Variants in CDH13 observed in about 807,000 individuals in gnomAD.
CDH13 encodes the protein cadherin-13.
A neutral mutation model predicts 63.8 loss-of-function variants in CDH13; 24 were observed. That is an observed-to-expected ratio of 0.38 (90% confidence interval 0.27 to 0.53). CDH13 has a LOEUF of 0.53. Ranked by LOEUF, CDH13 falls within the 20% of genes least tolerant of loss-of-function variation. CDH13 has a pLI of 0.85. For synonymous variants in CDH13, 503 were observed against 355.3 expected, an observed-to-expected ratio of 1.42 and a Z score of -4.67; for missense variants, 1,049 against 903.1, an observed-to-expected ratio of 1.16 and a Z score of -2.07.
At chr16:83,561,459 G>A (rs1471675031) in intron 7 of CDH13, among the ~76,000 whole-genome samples, 2 of 151,202 alleles carry the variant, frequency 1.3e-5, no homozygotes, top group Non-Finnish European at 2.9e-5. Context: ...TCAAGCAAGG[G>A]AGGCTATGCT....
chr16:83,206,181 C>G (rs1203542688), intron 4 of CDH13, among the ~76,000 whole-genome samples: 2 of 152,286 alleles, frequency 1.3e-5, no homozygotes, highest in South Asian at 2.1e-4. Context: ...CTCTCTCTGT[C>G]TGCTTCTTAA....
At chr16:83,775,012 C>T (rs1193802526) in intron 11 of CDH13, among the ~76,000 whole-genome samples, 1 of 151,840 alleles carries the variant, frequency 6.6e-6, no homozygotes, top group Non-Finnish European at 1.5e-5. Flanking sequence ...ATAATAATAA[C>T]CTGGAATTAT....
intron 8 of CDH13, among the ~76,000 whole-genome samples, chr16:83,634,213 A>T (rs1294834656): frequency 4.6e-5 from 7 of 151,570 alleles, no homozygotes; most frequent in Non-Finnish European, 8.8e-5. Flanking sequence ...CACCACCATC[A>T]TGATACAGGA....
chr16:83,263,731 C>G (rs931351916), intron 5 of CDH13, among the ~76,000 whole-genome samples: 10 of 152,202 alleles, frequency 6.6e-5, no homozygotes, highest in African/African-American at 2.4e-4. Context: ...ATGAACGGTG[C>G]AGGCAGGGAG....
At chr16:83,347,132 G>A (rs867698143) in intron 6 of CDH13, among the ~76,000 whole-genome samples, 8 of 152,174 alleles carry the variant, frequency 5.3e-5, no homozygotes, top group Non-Finnish European at 7.3e-5. Context: ...GATGGCCCCC[G>A]AAGCATTCAT....
intron 5 of CDH13, among the ~76,000 whole-genome samples, chr16:83,294,761 G>A (rs1411788093): frequency 1.3e-5 from 2 of 152,036 alleles, no homozygotes; most frequent in African/African-American, 4.8e-5. Flanking sequence ...GACATCCCAT[G>A]TTCGTGGATT....
chr16:83,399,501 C>T (rs1434556596), intron 6 of CDH13, among the ~76,000 whole-genome samples: 1 of 152,186 alleles, frequency 6.6e-6, no homozygotes, highest in Non-Finnish European at 1.5e-5. Flanking sequence ...ATGTCTCTCT[C>T]CCATCCCACA....
At chr16:83,750,973 AT>A (rs1323390891) in intron 11 of CDH13, among the ~76,000 whole-genome samples, 8 of 24,036 alleles carry the variant, frequency 3.3e-4, no homozygotes, top group Non-Finnish European at 3.9e-4. Context: ...TAACTTAACT[AT>A]TTAAAAAAAA....
At chr16:83,325,698 C>T (rs1337940320) in intron 5 of CDH13, among the ~76,000 whole-genome samples, 1 of 152,172 alleles carries the variant, frequency 6.6e-6, no homozygotes, top group Non-Finnish European at 1.5e-5. Flanking sequence ...TCTCTGTTTT[C>T]TCTCCCCAGA....
intron 2 of CDH13, among the ~76,000 whole-genome samples, chr16:83,012,799 G>A (rs1914295695): frequency 1.3e-5 from 2 of 152,120 alleles, no homozygotes; most frequent in South Asian, 4.1e-4. Context: ...TATATTTAAA[G>A]ACTACAGATA....
At chr16:83,081,573 C>A (rs2151563726) in intron 3 of CDH13, among the ~76,000 whole-genome samples, 2 of 152,226 alleles carry the variant, frequency 1.3e-5, no homozygotes, top group South Asian at 4.1e-4. Flanking sequence ...ATTTATTTCT[C>A]CCAGTTCTGG....
At chr16:82,812,083 C>T (rs191772666) in intron 1 of CDH13, among the ~76,000 whole-genome samples, 146 of 152,168 alleles carry the variant, frequency 9.6e-4, no homozygotes, top group Admixed American at 1.6e-3. Flanking sequence ...GCTGTGCCAC[C>T]CTTTGTCTCT....
intron 7 of CDH13, among the ~76,000 whole-genome samples, chr16:83,586,891 T>C (rs985778220): frequency 6.6e-6 from 1 of 152,194 alleles, no homozygotes; most frequent in African/African-American, 2.4e-5. Flanking sequence ...TGATTTTTTT[T>C]CCCTCAGATG....
At chr16:82,789,426 C>G (rs1265892903) in intron 1 of CDH13, among the ~76,000 whole-genome samples, 2 of 152,198 alleles carry the variant, frequency 1.3e-5, no homozygotes, top group African/African-American at 2.4e-5. Flanking sequence ...GATGGTCACT[C>G]TGAATCACAT....
rs191600587 is a variant in CDH13, at chr16:83,174,509, A to T, written c.484-42836A>T. ...TGAGCCAGAATAAAGTTTACACTTC[A>T]TGACCATAAAGAGGACCCTTTATGC... On this transcript the variant is annotated intron_variant, in intron 4 of 13. Transcript: ENST00000567109. 1.7e-3 allele frequency among the ~76,000 whole-genome samples: 254 copies of T among 152,200 alleles called. 3 individuals carry two copies. Among genetic ancestry groups the T allele is most frequent in the Non-Finnish European group, 2.8e-3 (189 of 67,988 alleles).
chr16:83,053,308 G>A (rs2030579246), intron 3 of CDH13, among the ~76,000 whole-genome samples: 1 of 152,086 alleles, frequency 6.6e-6, no homozygotes, highest in Non-Finnish European at 1.5e-5. Context: ...GTCTCGGGAG[G>A]TGTCACTAGG....
intron 5 of CDH13, among the ~76,000 whole-genome samples, chr16:83,246,406 A>C (rs1420740008): frequency 1.3e-5 from 2 of 152,062 alleles, no homozygotes; most frequent in African/African-American, 4.8e-5. Flanking sequence ...CCTAATCTTC[A>C]CCTCATCAGA....
In CDH13 at chr16:83,012,926, G is replaced by A. The variant is rs150794637; in HGVS notation, c.158-19084G>A. Among the ~76,000 whole-genome samples the A allele has an allele frequency of 3.8e-3, 585 of 152,266 alleles. 3 individuals are homozygous for A. Among genetic ancestry groups the A allele is most frequent in the Middle Eastern group, 0.034 (10 of 294 alleles). ...AAAGGCAATACAATACACATGCATA[G>A]AGATAACATTCAGGTGTTTGTGAAT... On this transcript the variant is annotated intron_variant, in intron 2 of 13. Transcript: ENST00000567109.
At chr16:82,783,825 G>T (rs1384971204) in intron 1 of CDH13, among the ~76,000 whole-genome samples, 1 of 135,402 alleles carries the variant, frequency 7.4e-6, no homozygotes, top group Non-Finnish European at 1.7e-5. Flanking sequence ...CTTCTGACAA[G>T]GGAATACTGG....
Sources: gnomAD v4.1 joint callset for allele counts (sites outside exome capture counted in the v4.1 genomes callset) on GRCh38, gnomAD v4.1.1 for gene constraint, MANE v1.5 for transcripts, NCBI Gene and HGNC (gene_info 2026-07-23, HGNC 2026-07-21) for gene names.